ETV2: variants seen among roughly 807,000 people sequenced by gnomAD.
ETV2 encodes ETS variant transcription factor 2.
Under a neutral mutation model 35.7 loss-of-function variants are expected in ETV2, and 34 were observed. That is an observed-to-expected ratio of 0.95 (90% CI 0.72 to 1.27). The LOEUF is 1.27. Ranked by LOEUF, ETV2 falls within the 50% of genes most tolerant of loss-of-function variation. The pLI is 0.00. For synonymous variants in ETV2, 207 were observed against 203.9 expected (o/e 1.02, Z -0.13); for missense variants, 512 against 470.5 (o/e 1.09, Z -0.82).
In ETV2 at chr19:35,644,222, C is replaced by A; in HGVS notation, c.716-13C>A. ...CCGGGAAGACTGAGTGTGCCCCTCCCTTCATCCCGCAGGTCCCATTCAGCT... is the reference window on the plus strand; with the variant it reads ...CCGGGAAGACTGAGTGTGCCCCTCCATTCATCCCGCAGGTCCCATTCAGCT... On this transcript the variant is annotated splice_polypyrimidine_tract_variant and intron_variant, in intron 5 of 6. Transcript: ENST00000402764. This position sits in a 1 kb window ranked among gnomAD's most constrained non-coding sequence, Gnocchi z 4.7. 6.6e-7 allele frequency: 1 copy of A among 1,525,392 alleles called. No individual in the cohort carries two copies. Among genetic ancestry groups the A allele is most frequent in the Non-Finnish European group, 8.9e-7 (1 of 1,121,652 alleles). The allele number at this position is 1,525,392 out of a possible 1,614,324, so 94.5% of individuals were successfully genotyped here.
At position 35,644,744 on chromosome 19, in the gene ETV2, C is replaced by G. The variant is rs1967721120; in HGVS notation, c.921C>G (p.Ile307Met). The G allele has an allele frequency of 6.2e-7, 1 of 1,609,722 alleles. No homozygotes were observed. The highest frequency in any genetic ancestry group is 8.5e-7 in the Non-Finnish European group (1 of 1,177,544). ...TTCGCTACTACTATCGCCGCGACAT[C>G]GTGCGCAAGAGCGGGGGGCGAAAGT... ...RGLRYYYRRD[I>M]VRKSGGRKYT... Residue 307 changes from isoleucine (I) to methionine (M), a missense_variant, in exon 7 of 7, where the codon ATC becomes ATG. Transcript: ENST00000402764. The surrounding 1 kb of genome is among the most constrained non-coding windows in gnomAD (Gnocchi z 4.7).
rs1271809748 is a variant in ETV2 at position 35,643,009 on chromosome 19, TC to T, written c.201del (p.Ala68ArgfsTer139). On this transcript the variant is annotated frameshift_variant, in exon 4 of 7. Coordinates refer to ENST00000402764, the MANE Select transcript of ETV2 (RefSeq NM_014209.4). LOFTEE classifies it high-confidence loss of function. The surrounding 1 kb of genome is among the most constrained non-coding windows in gnomAD (Gnocchi z 5.0). ...AAGCTTCCCACAGCTGGACTGGGGC[TC>T]CGCGTTACTGCACCCAGAAGTTCCA... ...LASFPQLDWG[S>X]ALLHPEVPWG... 1 of 1,571,240 alleles carries T rather than the reference TC, an allele frequency of 6.4e-7. No homozygotes were observed. Among genetic ancestry groups the T allele is most frequent in the Non-Finnish European group, 8.6e-7 (1 of 1,157,482 alleles).
At position 35,643,402 on chromosome 19, in the gene ETV2, G is replaced by A. The variant is rs1967668247; in HGVS notation, c.364G>A (p.Ala122Thr). ...APLGPGPIPAAGSEGAAGQNC... is the reference protein window; with the variant it reads ...APLGPGPIPATGSEGAAGQNC... ...TCTCGGCCCGGGCCCCATCCCCGCC[G>A]CCGGCTCCGAAGGCGCCGCGGGCCA... Residue 122 changes from alanine (A) to threonine (T), a missense_variant, in exon 5 of 7, where the codon GCC becomes ACC. Transcript: ENST00000402764. The surrounding 1 kb of genome is among the most constrained non-coding windows in gnomAD (Gnocchi z 5.0). 6.5e-7 allele frequency: 1 copy of A among 1,545,578 alleles called. No homozygotes were observed. Among genetic ancestry groups the A allele is most frequent in the African/African-American group, 1.4e-5 (1 of 72,608 alleles).
Position 35,644,255 on chromosome 19 carries a change from TTCCTCCTGGAGCTGC to T in ETV2, c.740_754del (p.Leu247_Leu251del), listed in dbSNP as rs1348687178. 1 of 1,561,204 alleles carries T rather than the reference TTCCTCCTGGAGCTGC, an allele frequency of 6.4e-7. No individual in the cohort carries two copies. The highest frequency in any genetic ancestry group is 8.7e-7 in the Non-Finnish European group (1 of 1,151,954). The stretch of plus-strand genomic sequence containing the variant: ...CGCAGGTCCCATTCAGCTGTGGCAG[TTCCTCCTGGAGCTGC>T]TCCACGACGGGGCGCGTAGCAGCTG... On this transcript the variant is annotated inframe_deletion, in exon 6 of 7. Transcript: ENST00000402764. The surrounding 1 kb of genome is among the most constrained non-coding windows in gnomAD (Gnocchi z 4.7).
chr19:35,643,873 G>T lies in ETV2; in HGVS notation c.715+120G>T. 1 of 1,436,010 alleles carries T rather than the reference G, an allele frequency of 7.0e-7. No homozygotes were observed. Among genetic ancestry groups the T allele is most frequent in the Non-Finnish European group, 9.5e-7 (1 of 1,056,896 alleles). The allele number at this position is 1,436,010 out of a possible 1,614,324, so 89.0% of individuals were successfully genotyped here. On this transcript the variant is annotated intron_variant, in intron 5 of 6. Coordinates refer to ENST00000402764, the MANE Select transcript of ETV2 (RefSeq NM_014209.4). This position sits in a 1 kb window ranked among gnomAD's most constrained non-coding sequence, Gnocchi z 5.0. ...GAGGGGGCGGGGGCTTAGGGACCAGGGGCTCGAAGGAGGGGCCGGTGGCCC... is the reference window on the plus strand; with the variant it reads ...GAGGGGGCGGGGGCTTAGGGACCAGTGGCTCGAAGGAGGGGCCGGTGGCCC...
chr19:35,642,242 G>A lies in ETV2; in HGVS notation c.-28+86G>A, dbSNP rs576225046. On this transcript the variant is annotated intron_variant, in intron 1 of 6. Transcript: ENST00000402764. The surrounding 1 kb of genome is among the most constrained non-coding windows in gnomAD (Gnocchi z 4.4). ...TAGACTCCCAAGAAGCCGGGGGCCT[G>A]GACTCCTGGGTCTAACAGAGGAAGA... The A allele has an allele frequency of 4.3e-4, 204 of 479,334 alleles. No individual in the cohort carries two copies. The highest frequency in any genetic ancestry group is 7.0e-4 in the Non-Finnish European group (191 of 271,550). The allele number at this position is 479,334 out of a possible 1,614,324, so 29.7% of individuals were successfully genotyped here.
chr19:35,643,376 C>T lies in ETV2; in HGVS notation c.338C>T (p.Pro113Leu). 6.4e-7 allele frequency: 1 copy of T among 1,563,588 alleles called. No individual in the cohort carries two copies. The highest frequency in any genetic ancestry group is 8.6e-7 in the Non-Finnish European group (1 of 1,156,144). The stretch of plus-strand genomic sequence containing the variant: ...GCCTCGCAGACCCTGGGCCCCGCCC[C>T]TCTCGGCCCGGGCCCCATCCCCGCC... ...SGASQTLGPA[P>L]LGPGPIPAAG... The change falls in exon 5 of 7, where the codon CCT (proline) becomes CTT (leucine). Residue 113 changes from proline to leucine, a missense_variant. Transcript: ENST00000402764. This position sits in a 1 kb window ranked among gnomAD's most constrained non-coding sequence, Gnocchi z 5.0.
chr19:35,644,623 C>A lies in ETV2; in HGVS notation c.829-29C>A, dbSNP rs1967715667. On this transcript the variant is annotated intron_variant, in intron 6 of 6. Transcript: ENST00000402764. The surrounding 1 kb of genome is among the most constrained non-coding windows in gnomAD (Gnocchi z 4.7). ...ACTATCGCCAAGCCCCGCCCCTTCC[C>A]ACTCCGACCGAGCGGGCCTCTGTCC... 6.3e-7 allele frequency: 1 copy of A among 1,592,368 alleles called. No homozygotes were observed. The highest frequency in any genetic ancestry group is 1.3e-5 in the African/African-American group (1 of 74,740).
rs1967641141 is a variant in ETV2, at chr19:35,642,879, A to G, written c.155-86A>G. The G allele has an allele frequency of 4.9e-6, 5 of 1,021,970 alleles. No homozygotes were observed. Among genetic ancestry groups the G allele is most frequent in the South Asian group, 1.4e-5 (1 of 72,928 alleles). The allele number at this position is 1,021,970 out of a possible 1,614,324, so 63.3% of individuals were successfully genotyped here. A position where few individuals can be genotyped will look rare whatever the true frequency, so the allele number is the denominator to read the frequency against. ...GTGCTGAAATACGGGCTGGGGGGCCATAACTCCCAGTCCCTGACAAGTAGA... is the reference window on the plus strand; with the variant it reads ...GTGCTGAAATACGGGCTGGGGGGCCGTAACTCCCAGTCCCTGACAAGTAGA... On this transcript the variant is annotated intron_variant, in intron 3 of 6. Transcript: ENST00000402764. The surrounding 1 kb of genome is among the most constrained non-coding windows in gnomAD (Gnocchi z 4.4).
Position 35,643,862 on chromosome 19 carries a change from T to G in ETV2, c.715+109T>G. On this transcript the variant is annotated intron_variant, in intron 5 of 6. Coordinates refer to ENST00000402764, the MANE Select transcript of ETV2 (RefSeq NM_014209.4). The surrounding 1 kb of genome is among the most constrained non-coding windows in gnomAD (Gnocchi z 5.0). ...AGACTGACAGTGAGGGGGCGGGGGC[T>G]TAGGGACCAGGGGCTCGAAGGAGGG... The G allele has an allele frequency of 2.7e-6, 4 of 1,503,626 alleles. No homozygotes were observed. Among genetic ancestry groups the G allele is most frequent in the Non-Finnish European group, 3.6e-6 (4 of 1,110,412 alleles). The allele number at this position is 1,503,626 out of a possible 1,614,324, so 93.1% of individuals were successfully genotyped here.
rs115636138 is a variant in ETV2 at position 35,644,597 on chromosome 19, C to G, written c.829-55C>G. 2.3e-5 allele frequency: 35 copies of G among 1,515,702 alleles called. No individual in the cohort carries two copies. The African/African-American group carries it at 4.0e-4, about 17-fold the overall frequency. 93.9% of individuals were successfully genotyped at this position (1,515,702 alleles called of 1,614,324 possible). On this transcript the variant is annotated intron_variant, in intron 6 of 6. Coordinates refer to ENST00000402764, the MANE Select transcript of ETV2 (RefSeq NM_014209.4). This position sits in a 1 kb window ranked among gnomAD's most constrained non-coding sequence, Gnocchi z 4.7. ...CACCGCCCCCAGGCCCGGCCCTCCC[C>G]ACTATCGCCAAGCCCCGCCCCTTCC...
rs1967638877 is a variant in ETV2 at position 35,642,815 on chromosome 19, G to A, written c.154+117G>A. On this transcript the variant is annotated intron_variant, in intron 3 of 6. Coordinates refer to ENST00000402764, the MANE Select transcript of ETV2 (RefSeq NM_014209.4). This position sits in a 1 kb window ranked among gnomAD's most constrained non-coding sequence, Gnocchi z 4.4. The stretch of plus-strand genomic sequence containing the variant: ...CTGGGACTGGGTGGGGAGGGGCCGC[G>A]TGCTTGACCCCTGAGGGTGAAGGAA... 2.0e-6 allele frequency: 2 copies of A among 1,014,764 alleles called. No individual in the cohort carries two copies. Among genetic ancestry groups the A allele is most frequent in the African/African-American group, 1.6e-5 (1 of 61,998 alleles). The allele number at this position is 1,014,764 out of a possible 1,614,324, so 62.9% of individuals were successfully genotyped here.
rs1205765818 is a variant in ETV2, at chr19:35,643,374, C to T, written c.336C>T (p.Ala112=). ...WSGASQTLGP[A]PLGPGPIPAA... Reference sequence around the variant, plus strand: ...GCGCCTCGCAGACCCTGGGCCCCGCCCCTCTCGGCCCGGGCCCCATCCCCG... The same window carrying T: ...GCGCCTCGCAGACCCTGGGCCCCGCTCCTCTCGGCCCGGGCCCCATCCCCG... Residue 112 remains alanine, a synonymous_variant, in exon 5 of 7, where the codon GCC becomes GCT. Transcript: ENST00000402764. The surrounding 1 kb of genome is among the most constrained non-coding windows in gnomAD (Gnocchi z 5.0). 1 of 1,563,478 alleles carries T rather than the reference C, an allele frequency of 6.4e-7. No individual in the cohort carries two copies.
Position 35,644,773 on chromosome 19 carries a change from C to G in ETV2, c.950C>G (p.Thr317Arg), listed in dbSNP as rs771246537. 1.2e-5 allele frequency: 19 copies of G among 1,611,968 alleles called. No homozygotes were observed. Among genetic ancestry groups the G allele is most frequent in the Non-Finnish European group, 1.6e-5 (19 of 1,179,108 alleles). ...IVRKSGGRKYTYRFGGRVPSL... is the reference protein window; with the variant it reads ...IVRKSGGRKYRYRFGGRVPSL... ...CGCAAGAGCGGGGGGCGAAAGTACACGTACCGCTTCGGGGGCCGCGTGCCC... is the reference window on the plus strand; with the variant it reads ...CGCAAGAGCGGGGGGCGAAAGTACAGGTACCGCTTCGGGGGCCGCGTGCCC... Residue 317 changes from threonine (T) to arginine (R), a missense_variant, in exon 7 of 7, where the codon ACG (threonine) becomes AGG (arginine). Physicochemically the swap from Thr to Arg is moderately conservative, Grantham distance 71 (BLOSUM62 -1). Coordinates refer to ENST00000402764, the MANE Select transcript of ETV2 (RefSeq NM_014209.4). This position sits in a 1 kb window ranked among gnomAD's most constrained non-coding sequence, Gnocchi z 4.7.
At position 35,642,366 on chromosome 19, in the gene ETV2, G is replaced by C; in HGVS notation, c.-27-68G>C. 1 of 804,846 alleles carries C rather than the reference G, an allele frequency of 1.2e-6. No individual in the cohort carries two copies. Among genetic ancestry groups the C allele is most frequent in the South Asian group, 1.7e-5 (1 of 57,254 alleles). 49.9% of individuals were successfully genotyped at this position (804,846 alleles called of 1,614,324 possible). A position where few individuals can be genotyped will look rare whatever the true frequency, so the allele number is the denominator to read the frequency against. Reference sequence around the variant, plus strand: ...TGGCTCTGAGGGAAGCTAGGGCTGGGGCCCAGACTCCAGGGCCTCCAAGTG... The same window carrying C: ...TGGCTCTGAGGGAAGCTAGGGCTGGCGCCCAGACTCCAGGGCCTCCAAGTG... On this transcript the variant is annotated intron_variant, in intron 1 of 6. Coordinates refer to ENST00000402764, the MANE Select transcript of ETV2 (RefSeq NM_014209.4). This position sits in a 1 kb window ranked among gnomAD's most constrained non-coding sequence, Gnocchi z 4.4.
In ETV2 at chr19:35,644,652, G is replaced by A; in HGVS notation, c.829G>A (p.Val277Met). The stretch of plus-strand genomic sequence containing the variant: ...CCGACCGAGCGGGCCTCTGTCCTAG[G>A]TGGCTCGGCTGTGGGGCGAGCGCAA... ...REFQLCDPKE[V>M]ARLWGERKRK... The change falls in exon 7 of 7, where the codon GTG (valine) becomes ATG (methionine). Residue 277 changes from valine (V) to methionine (M), a missense_variant and splice_region_variant. Coordinates refer to ENST00000402764, the MANE Select transcript of ETV2 (RefSeq NM_014209.4). This position sits in a 1 kb window ranked among gnomAD's most constrained non-coding sequence, Gnocchi z 4.7. 1 of 1,606,496 alleles carries A rather than the reference G, an allele frequency of 6.2e-7. No individual in the cohort carries two copies. The highest frequency in any genetic ancestry group is 8.5e-7 in the Non-Finnish European group (1 of 1,175,918).
chr19:35,644,188 G>A lies in ETV2; in HGVS notation c.716-47G>A, dbSNP rs753259564. The A allele has an allele frequency of 6.9e-6, 9 of 1,297,514 alleles. No homozygotes were observed. The highest frequency in any genetic ancestry group is 1.9e-4 in the Middle Eastern group (1 of 5,298). 80.4% of individuals were successfully genotyped at this position (1,297,514 alleles called of 1,614,324 possible). A position where few individuals can be genotyped will look rare whatever the true frequency, so the allele number is the denominator to read the frequency against. ...GACCTCTAGATCATTGAAGTGGTGT[G>A]ATCTAGGGCCGGGAAGACTGAGTGT... is the stretch of plus-strand genomic sequence containing the variant. On this transcript the variant is annotated intron_variant, in intron 5 of 6. Coordinates refer to ENST00000402764, the MANE Select transcript of ETV2 (RefSeq NM_014209.4). This position sits in a 1 kb window ranked among gnomAD's most constrained non-coding sequence, Gnocchi z 4.7.
In ETV2 at chr19:35,643,428, G is replaced by C. The variant is rs1190562709; in HGVS notation, c.390G>C (p.Gln130His). 3.2e-6 allele frequency: 5 copies of C among 1,546,604 alleles called. No homozygotes were observed. Among genetic ancestry groups the C allele is most frequent in the Non-Finnish European group, 4.4e-6 (5 of 1,145,596 alleles). The change falls in exon 5 of 7, where the codon CAG becomes CAC. Residue 130 changes from glutamine (Q) to histidine (H), a missense_variant. Gln to His is a conservative substitution (Grantham distance 24). Coordinates refer to ENST00000402764, the MANE Select transcript of ETV2 (RefSeq NM_014209.4). The surrounding 1 kb of genome is among the most constrained non-coding windows in gnomAD (Gnocchi z 5.0). Reference sequence around the variant, plus strand: ...CCGGCTCCGAAGGCGCCGCGGGCCAGAACTGCGTCCCCGTGGCGGGAGAGG... The same window carrying C: ...CCGGCTCCGAAGGCGCCGCGGGCCACAACTGCGTCCCCGTGGCGGGAGAGG... Reference protein sequence around the residue: ...PAAGSEGAAGQNCVPVAGEAT... With the variant: ...PAAGSEGAAGHNCVPVAGEAT...
rs1262963962 is a variant in ETV2, at chr19:35,643,545, C to T, written c.507C>T (p.Gly169=). ...ACGGCGATACCTACTGGGGCAGTGG[C>T]CTGGGCGGGGAGCCGCGCACGGACT... The part of the protein sequence containing the change: ...GPDGDTYWGS[G]LGGEPRTDCT... Residue 169 remains glycine, a synonymous_variant, in exon 5 of 7, where the codon GGC becomes GGT. Coordinates refer to ENST00000402764, the MANE Select transcript of ETV2 (RefSeq NM_014209.4). This position sits in a 1 kb window ranked among gnomAD's most constrained non-coding sequence, Gnocchi z 5.0. The T allele has an allele frequency of 2.6e-6, 4 of 1,554,354 alleles. No individual in the cohort carries two copies. In the Admixed American group the frequency reaches 7.9e-5, roughly 31 times the overall value.
Sources: allele counts gnomAD v4.1 joint callset, GRCh38; gene constraint gnomAD v4.1.1; non-coding constraint Gnocchi (gnomAD v3.1); transcripts MANE v1.5; gene names NCBI Gene and HGNC (gene_info 2026-07-23, HGNC 2026-07-21).